Variants in BICDL1 observed in about 807,000 individuals in gnomAD.
BICDL1 encodes the protein BICD family-like cargo adapter 1.
Under a neutral mutation model 76.8 loss-of-function variants are expected in BICDL1, and 20 were observed. That is an observed-to-expected ratio of 0.26 (90% CI 0.18 to 0.38). The LOEUF (loss-of-function observed/expected upper bound fraction) is 0.38. Ranked by LOEUF, BICDL1 falls within the 10% of genes least tolerant of loss-of-function variation. The probability of loss-of-function intolerance (pLI) is 1.00; values close to 1 mark genes in which losing one functional copy is unlikely to be tolerated. For synonymous variants in BICDL1, 383 were observed against 337.1 expected, an observed-to-expected ratio of 1.14 and a Z score of -1.49; for missense variants, 700 against 798.6, an observed-to-expected ratio of 0.88 and a Z score of 1.49.
At chr12:120,090,207 C>A in intron 9 of BICDL1, 136 bp downstream of exon 9, 1 of 1,040,954 alleles carries the variant, frequency 9.6e-7, no homozygotes, top group Non-Finnish European at 1.4e-6. Flanking sequence ...CTTCACCTGG[C>A]AAGATCCAGA....
chr12:120,070,032 A>G (rs776410488), intron 4 of BICDL1, among the ~76,000 whole-genome samples: 32 of 152,186 alleles, frequency 2.1e-4, no homozygotes, highest in Admixed American at 6.5e-5. Flanking sequence ...ACATACCGCA[A>G]TTCACTTATT....
At chr12:120,024,687 C>A (rs2096106563) in intron 2 of BICDL1, among the ~76,000 whole-genome samples, 1 of 152,038 alleles carries the variant, frequency 6.6e-6, no homozygotes, top group Non-Finnish European at 1.5e-5. Context: ...AATCCTCTTT[C>A]TTTCTTTCTT....
chr12:120,016,350 T>G (rs1594118425), intron 2 of BICDL1, among the ~76,000 whole-genome samples: 1 of 152,174 alleles, frequency 6.6e-6, no homozygotes, highest in Admixed American at 6.5e-5. Flanking sequence ...TTAGGAACAT[T>G]CATGTACAAG....
At chr12:120,034,097 A>G (rs576786910) in intron 2 of BICDL1, among the ~76,000 whole-genome samples, 22 of 152,352 alleles carry the variant, frequency 1.4e-4, no homozygotes, top group East Asian at 7.7e-4. Flanking sequence ...ACTTCACTAC[A>G]TGGTTTTTGG....
intron 2 of BICDL1, among the ~76,000 whole-genome samples, chr12:120,053,527 AAT>A (rs1952909434): frequency 6.6e-6 from 1 of 152,104 alleles, no homozygotes; most frequent in South Asian, 2.1e-4. Context: ...TTATTGATTA[AAT>A]GGTCCTTGCC....
chr12:120,027,121 C>T (rs1448118221), intron 2 of BICDL1, among the ~76,000 whole-genome samples: 1 of 149,502 alleles, frequency 6.7e-6, no homozygotes, highest in Non-Finnish European at 1.5e-5. Context: ...ACCTCCGCCT[C>T]CTGGGTTCAT....
intron 8 of BICDL1, among the ~76,000 whole-genome samples, chr12:120,084,036 C>T (rs886361569): frequency 1.3e-4 from 19 of 151,596 alleles, no homozygotes; most frequent in Non-Finnish European, 2.5e-4. Context: ...CGGAGTCTCA[C>T]TCAGTCACCC....
chr12:119,996,333 C>T (rs538525040), intron 1 of BICDL1, among the ~76,000 whole-genome samples: 1 of 152,232 alleles, frequency 6.6e-6, no homozygotes, highest in Non-Finnish European at 1.5e-5. Flanking sequence ...TAATGACTTT[C>T]AGAAACATTC....
At chr12:120,027,873 T>G (rs1434020749) in intron 2 of BICDL1, among the ~76,000 whole-genome samples, 1 of 152,206 alleles carries the variant, frequency 6.6e-6, no homozygotes, top group Admixed American at 6.5e-5. Context: ...CTGTTTACTC[T>G]TAATTTGCAA....
rs1555277903 is a variant in BICDL1 at position 119,989,454 on chromosome 12, C to CCGG, written c.-407_-405dup. ...GCCCGCCCCGTGAGGCGCTGCCCGG[C>CCGG]CGGCGGCGGCAGCAGCAGCAGCAGC... On this transcript the variant is annotated 5_prime_UTR_variant, in exon 1 of 10. Coordinates refer to ENST00000548673, the MANE Select transcript of BICDL1 (RefSeq NM_001367886.1). 7.9e-4 allele frequency among the ~76,000 whole-genome samples: 70 copies of CCGG among 89,138 alleles called. No individual in the cohort carries two copies. The highest frequency in any genetic ancestry group is 1.2e-3 in the Non-Finnish European group (56 of 47,986). The allele number at this position is 89,138 out of a possible 152,430, so 58.5% of individuals were successfully genotyped here.
In BICDL1 at chr12:119,989,816, G is replaced by C; in HGVS notation, c.-53G>C. ...CGCGGCAGGGCCCCTCCCCCCTGCA[G>C]CCTGGCGCGCGCGGGCCGGGCCGCA... On this transcript the variant is annotated 5_prime_UTR_variant, in exon 1 of 10. Coordinates refer to ENST00000548673, the MANE Select transcript of BICDL1 (RefSeq NM_001367886.1). The C allele has an allele frequency of 9.9e-7, 1 of 1,005,070 alleles. No homozygotes were observed. Among genetic ancestry groups the C allele is most frequent in the Non-Finnish European group, 1.2e-6 (1 of 822,046 alleles). The allele number at this position is 1,005,070 out of a possible 1,614,324, so 62.3% of individuals were successfully genotyped here.
At chr12:120,028,453 T>G (rs1392383249) in intron 2 of BICDL1, among the ~76,000 whole-genome samples, 1 of 151,908 alleles carries the variant, frequency 6.6e-6, no homozygotes, top group African/African-American at 2.4e-5. Flanking sequence ...GGCAGGCAGA[T>G]CACTTGAGGT....
intron 7 of BICDL1, among the ~76,000 whole-genome samples, chr12:120,076,669 G>A (rs116406569): frequency 3.3e-5 from 5 of 152,132 alleles, no homozygotes; most frequent in East Asian, 1.9e-4. Flanking sequence ...TGTCCCACGC[G>A]GGGTATAGAA....
intron 1 of BICDL1, chr12:119,992,342 G>C (rs1375482695): frequency 6.6e-6 from 1 of 152,132 alleles, no homozygotes; most frequent in East Asian, 1.9e-4. Context: ...AACAATGTAG[G>C]TTTTAGAATG....
At chr12:120,051,595 C>T (rs555401464) in intron 2 of BICDL1, among the ~76,000 whole-genome samples, 1 of 151,920 alleles carries the variant, frequency 6.6e-6, no homozygotes, top group East Asian at 1.9e-4. Context: ...AGAGGATTTG[C>T]GTTTTCTTCT....
rs1202128360 is a variant in BICDL1 at position 120,041,755 on chromosome 12, CAT to C, written c.646-19952_646-19951del. 2.0e-5 allele frequency among the ~76,000 whole-genome samples: 3 copies of C among 152,204 alleles called. No homozygotes were observed. In the East Asian group the frequency reaches 5.8e-4, roughly 29 times the overall value. On this transcript the variant is annotated intron_variant, in intron 2 of 9. Coordinates refer to ENST00000548673, the MANE Select transcript of BICDL1 (RefSeq NM_001367886.1). ...AAGCATGTTCCAGGCAGAGGGGAAT[CAT>C]ATGCACAGATTTTGAAATAAGAGTC...
intron 2 of BICDL1, among the ~76,000 whole-genome samples, chr12:120,039,734 C>T (rs984151184): frequency 4.0e-5 from 6 of 149,870 alleles, no homozygotes; most frequent in East Asian, 2.0e-4. Context: ...GGTATTATAA[C>T]GATAAGGAAT....
chr12:120,077,389 G>A (rs1873634336), intron 7 of BICDL1, among the ~76,000 whole-genome samples: 1 of 152,074 alleles, frequency 6.6e-6, no homozygotes, highest in Non-Finnish European at 1.5e-5. Context: ...TTCCCCAAGT[G>A]GCCCACCCCT....
intron 6 of BICDL1, among the ~76,000 whole-genome samples, 159 bp downstream of exon 6, chr12:120,072,888 T>A (rs921151138): frequency 1.3e-5 from 2 of 152,222 alleles, no homozygotes; most frequent in African/African-American, 4.8e-5. Flanking sequence ...ATTTTGTTTT[T>A]GAGACAGAGT....
Sources: allele counts gnomAD v4.1 joint callset (sites outside exome capture counted in the v4.1 genomes callset), GRCh38; gene constraint gnomAD v4.1.1; transcripts MANE v1.5; gene names NCBI Gene and HGNC (gene_info 2026-07-23, HGNC 2026-07-21).